The following PIGZ variants were observed in gnomAD, a reference collection of about 807,000 sequenced individuals.
PIGZ encodes GPI alpha-1,2-mannosyltransferase 4.
A neutral mutation model predicts 16.4 loss-of-function variants in PIGZ; 16 were observed. The ratio of observed to expected loss-of-function variants is 0.97; its 90% CI spans 0.66 to 1.48. The LOEUF is 1.48. Among genes scored for constraint, PIGZ ranks in the 40% most tolerant of loss-of-function variants. The pLI, the probability that PIGZ is intolerant of heterozygous loss-of-function variation, is 0.00. For synonymous variants in PIGZ, 409 were observed against 338.4 expected (o/e 1.21, Z -2.29); for missense variants, 770 against 739.2 (o/e 1.04, Z -0.48).
rs778446691 is a variant in PIGZ at position 196,948,262 on chromosome 3, C to T, written c.635G>A (p.Arg212His). 5.9e-5 allele frequency: 96 copies of T among 1,614,010 alleles called. No homozygotes were observed. Among genetic ancestry groups the T allele is most frequent in the Non-Finnish European group, 7.5e-5 (89 of 1,180,020 alleles). The change falls in exon 3 of 3, where the codon CGC (arginine) becomes CAC (histidine). Residue 212 changes from arginine to histidine, a missense_variant. Transcript: ENST00000412723. ...RKEPAPGPRW[R>H]SWLLGGIVAA... ...CACAATGCCTCCAAGAAGCCAGCTG[C>T]GCCACCGTGGACCCGGCGCCGGCTC... is the stretch of plus-strand genomic sequence containing the variant.
chr3:196,947,494 G>A lies in PIGZ; in HGVS notation c.1403C>T (p.Pro468Leu). The A allele has an allele frequency of 6.2e-7, 1 of 1,613,670 alleles. No homozygotes were observed. The highest frequency in any genetic ancestry group is 2.2e-5 in the East Asian group (1 of 44,886). ...TGGGAGGTGTAGGAGGTGCCGGGGGGGCATGTAGGTGTGAGTGAAGAGGAG... is the reference window on the plus strand; with the variant it reads ...TGGGAGGTGTAGGAGGTGCCGGGGGAGCATGTAGGTGTGAGTGAAGAGGAG... Reference protein sequence around the residue: ...YTLLFTHTYMPPRHLLHLPGL... With the variant: ...YTLLFTHTYMLPRHLLHLPGL... Residue 468 changes from proline to leucine, a missense_variant, in exon 3 of 3, where the codon CCC (proline) becomes CTC (leucine). Physicochemically the swap from Pro to Leu is moderately conservative, Grantham distance 98. Coordinates refer to ENST00000412723, the MANE Select transcript of PIGZ (RefSeq NM_025163.4).
chr3:196,967,759 C>A (rs367737055), intron 1 of PIGZ, among the ~76,000 whole-genome samples: 1 of 152,144 alleles, frequency 6.6e-6, no homozygotes, highest in Non-Finnish European at 1.5e-5. Flanking sequence ...TGAAAGGGCC[C>A]GTGTTTATCC....
Position 196,947,606 on chromosome 3 carries a change from G to T in PIGZ, c.1291C>A (p.His431Asn). Residue 431 changes from histidine to asparagine, a missense_variant, in exon 3 of 3, where the codon CAT (histidine) becomes AAT (asparagine). Transcript: ENST00000412723. ...AGGCCAGGCACCAGGCCCCCCTGAT[G>T]CAGGCAGCCGAAGAGGAGGGCACCG... ...ALGALLFGCL[H>N]QGGLVPGLEY... The T allele has an allele frequency of 6.2e-7, 1 of 1,613,612 alleles. No individual in the cohort carries two copies. Among genetic ancestry groups the T allele is most frequent in the Non-Finnish European group, 8.5e-7 (1 of 1,179,748 alleles).
intron 2 of PIGZ, 136 bp downstream of exon 2, chr3:196,951,685 G>A: frequency 3.7e-6 from 3 of 813,352 alleles, no homozygotes; most frequent in Admixed American, 2.2e-5. Context: ...TTACCCCAGA[G>A]AGAGAGGCTG....
intron 1 of PIGZ, among the ~76,000 whole-genome samples, chr3:196,966,002 G>A (rs868377225): frequency 2.0e-4 from 30 of 152,268 alleles, no homozygotes; most frequent in African/African-American, 7.0e-4. Flanking sequence ...ATTCCTTACT[G>A]TGGCTGACAA....
chr3:196,954,541 C>A (rs375928091), intron 1 of PIGZ, among the ~76,000 whole-genome samples: 3 of 151,980 alleles, frequency 2.0e-5, no homozygotes, highest in Admixed American at 6.6e-5. Flanking sequence ...TTTCTTTGCT[C>A]ATCTTTATTT....
chr3:196,958,406 G>A (rs992676795), intron 1 of PIGZ, among the ~76,000 whole-genome samples: 3 of 152,172 alleles, frequency 2.0e-5, no homozygotes, highest in South Asian at 2.1e-4. Context: ...TGAGGCCGGC[G>A]GATCACCTGA....
chr3:196,948,133 G>A lies in PIGZ; in HGVS notation c.764C>T (p.Thr255Ile). ...AGGGAGCAGCACCAGGGCCTCCCGG[G>A]TCAGAGACTTCAAACCAGGGTTTGT... ...GATNPGLKSL[T>I]REALVLLPGA... Residue 255 changes from threonine (T) to isoleucine (I), a missense_variant, in exon 3 of 3, where the codon ACC becomes ATC. Thr to Ile is a moderately conservative substitution (Grantham distance 89, BLOSUM62 -1). Transcript: ENST00000412723. 1.9e-6 allele frequency: 3 copies of A among 1,605,762 alleles called. No individual in the cohort carries two copies. Among genetic ancestry groups the A allele is most frequent in the African/African-American group, 1.3e-5 (1 of 74,870 alleles).
At position 196,946,979 on chromosome 3, in the gene PIGZ, A is replaced by G; in HGVS notation, c.*178T>C. On this transcript the variant is annotated 3_prime_UTR_variant, in exon 3 of 3. Coordinates refer to ENST00000412723, the MANE Select transcript of PIGZ (RefSeq NM_025163.4). ...GGTCAAATCTTTGGTCTCAGGGAGA[A>G]GAGTGCCAGCTCACCCAGAAGGCAG... 2 of 551,990 alleles carry G rather than the reference A, an allele frequency of 3.6e-6. No individual in the cohort carries two copies. Among genetic ancestry groups the G allele is most frequent in the Admixed American group, 3.6e-5 (1 of 28,108 alleles). 34.2% of individuals were successfully genotyped at this position (551,990 alleles called of 1,614,324 possible).
chr3:196,951,860 G>A lies in PIGZ; in HGVS notation c.172C>T (p.His58Tyr). 1 of 1,614,178 alleles carries A rather than the reference G, an allele frequency of 6.2e-7. No individual in the cohort carries two copies. The highest frequency in any genetic ancestry group is 8.5e-7 in the Non-Finnish European group (1 of 1,180,046). Reference sequence around the variant, plus strand: ...GGGGACTGGAAGAACTCATCTGGGTGCACATAGCCCGTCTGCGGAAGGAGA... The same window carrying A: ...GGGGACTGGAAGAACTCATCTGGGTACACATAGCCCGTCTGCGGAAGGAGA... The part of the protein sequence containing the change: ...WCLLPQTGYV[H>Y]PDEFFQSPEV... The change falls in exon 2 of 3, where the codon CAC (histidine) becomes TAC (tyrosine). Residue 58 changes from histidine to tyrosine, a missense_variant. His to Tyr is a moderately conservative substitution (Grantham distance 83). Coordinates refer to ENST00000412723, the MANE Select transcript of PIGZ (RefSeq NM_025163.4).
Position 196,948,186 on chromosome 3 carries a change from G to A in PIGZ, c.711C>T (p.Pro237=). The A allele has an allele frequency of 6.2e-7, 1 of 1,614,096 alleles. No homozygotes were observed. Among genetic ancestry groups the A allele is most frequent in the Non-Finnish European group, 8.5e-7 (1 of 1,179,998 alleles). The change falls in exon 3 of 3, where the codon CCC becomes CCT. Residue 237 remains proline (P), a synonymous_variant. Coordinates refer to ENST00000412723, the MANE Select transcript of PIGZ (RefSeq NM_025163.4). Reference sequence around the variant, plus strand: ...CTCCACGAGTGCCCCAGAGGTAGAGGGGGACCACAGCAAAGGCCAGAAAGG... The same window carrying A: ...CTCCACGAGTGCCCCAGAGGTAGAGAGGGACCACAGCAAAGGCCAGAAAGG... ...RPTFLAFAVV[P]LYLWGTRGAT...
In PIGZ at chr3:196,947,161, G is replaced by T. The variant is rs1205734324; in HGVS notation, c.1736C>A (p.Thr579Asn). The change falls in exon 3 of 3, where the codon ACC becomes AAC. Residue 579 changes from threonine to asparagine, a missense_variant. Thr to Asn is a moderately conservative substitution (Grantham distance 65, BLOSUM62 0). Coordinates refer to ENST00000412723, the MANE Select transcript of PIGZ (RefSeq NM_025163.4). Reference protein sequence around the residue: ...SLHIVELGEET With the variant: ...SLHIVELGEEN ...AGTGGGTGCTCTGTCATATTGTCAG[G>T]TTTCTTCCCCCAGCTCCACAATGTG... 1 of 1,546,584 alleles carries T rather than the reference G, an allele frequency of 6.5e-7. No homozygotes were observed. The highest frequency in any genetic ancestry group is 1.9e-5 in the Admixed American group (1 of 52,214).
chr3:196,967,118 A>T (rs1373455799), intron 1 of PIGZ, among the ~76,000 whole-genome samples: 1 of 147,992 alleles, frequency 6.8e-6, no homozygotes, highest in Admixed American at 6.7e-5. Context: ...GCGCGGGGGG[A>T]GGCCGGGAAA....
chr3:196,952,076 T>C (rs1218595614), intron 1 of PIGZ, 45 bp from the exon 2 acceptor site: 82 of 1,519,898 alleles, frequency 5.4e-5, no homozygotes, highest in Non-Finnish European at 6.9e-5. Context: ...TAAATTATAA[T>C]ATATTCAACT....
At chr3:196,957,451 C>T (rs1050271098) in intron 1 of PIGZ, among the ~76,000 whole-genome samples, 17 of 150,576 alleles carry the variant, frequency 1.1e-4, no homozygotes, top group South Asian at 4.2e-4. Flanking sequence ...GGCATGATCT[C>T]GGCTCACTGC....
intron 1 of PIGZ, among the ~76,000 whole-genome samples, chr3:196,961,081 T>C (rs1228859445): frequency 6.6e-6 from 1 of 152,234 alleles, no homozygotes; most frequent in Non-Finnish European, 1.5e-5. Context: ...AGGAGATGGA[T>C]ACAGTTTCTG....
rs1371214458 is a variant in PIGZ, at chr3:196,948,931, TTACTTC to T, written c.212-252_212-247del. On this transcript the variant is annotated intron_variant, in intron 2 of 2. Transcript: ENST00000412723. ...CTCCCCTCCCTTCCCTTCCTTCCCT[TTACTTC>T]CCTTCCTTCCCCTCCCCTCCCTTCC... Among the ~76,000 whole-genome samples, 15 of 11,950 alleles carry T rather than the reference TTACTTC, an allele frequency of 1.3e-3. 1 individual carries two copies. In the African/African-American group the frequency reaches 0.013, roughly 10 times the overall value. 7.8% of individuals were successfully genotyped at this position (11,950 alleles called of 152,430 possible).
chr3:196,962,627 G>T (rs992056727), intron 1 of PIGZ, among the ~76,000 whole-genome samples: 1 of 151,128 alleles, frequency 6.6e-6, no homozygotes, highest in East Asian at 1.9e-4. Flanking sequence ...ATGGCTGGAG[G>T]TGAGACATGC....
chr3:196,948,857 C>CCCT (rs1560180615), intron 2 of PIGZ, among the ~76,000 whole-genome samples, 172 bp from the exon 3 acceptor site: 1 of 118,952 alleles, frequency 8.4e-6, no homozygotes, highest in African/African-American at 3.6e-5. Context: ...CTCCTTCTTT[C>CCCT]CCTTCCTTCC....
Sources: allele counts gnomAD v4.1 joint callset (sites outside exome capture counted in the v4.1 genomes callset), GRCh38; gene constraint gnomAD v4.1.1; transcripts MANE v1.5; gene names NCBI Gene and HGNC (gene_info 2026-07-23, HGNC 2026-07-21).